ZNF560: variants seen among roughly 807,000 people sequenced by gnomAD.
ZNF560 encodes zinc finger protein 560.
A neutral mutation model predicts 81.8 loss-of-function variants in ZNF560; 54 were observed. That is an observed-to-expected ratio of 0.66 (90% CI 0.53 to 0.83). ZNF560 has a LOEUF of 0.83. Among genes scored for constraint, ZNF560 ranks in the 40% least tolerant of loss-of-function variants. The pLI, the probability that ZNF560 is intolerant of heterozygous loss-of-function variation, is 0.00. For missense variants in ZNF560, 940 were observed against 932.4 expected (o/e 1.01, Z -0.11); for synonymous variants, 321 against 317.9 (o/e 1.01, Z -0.10).
At chr19:9,451,503 CTG>C in the ZNF560 span, among the ~76,000 whole-genome samples, 1 of 152,166 alleles carries the variant, frequency 6.6e-6, no homozygotes, top group African/African-American at 2.4e-5. Context: ...AAACCTAAAA[CTG>C]TAACAATCCT....
At chr19:9,505,018 G>A in the ZNF560 span, among the ~76,000 whole-genome samples, 1 of 152,144 alleles carries the variant, frequency 6.6e-6, no homozygotes, top group Non-Finnish European at 1.5e-5. Context: ...CTGGGAGGTG[G>A]AGGTTGCTGT....
Position 9,469,610 on chromosome 19 carries a change from T to G in ZNF560, c.529+20A>C, listed in dbSNP as rs773214701. The stretch of plus-strand genomic sequence containing the variant: ...CTGAGAACTTCTCATGGACCAGGGT[T>G]GTTCTTCACAAACACTCACCTTGGA... On this transcript the variant is annotated intron_variant, in intron 8 of 9. Transcript: ENST00000301480. 31 of 1,610,666 alleles carry G rather than the reference T, an allele frequency of 1.9e-5. No individual in the cohort carries two copies. The highest frequency in any genetic ancestry group is 2.5e-6 in the Non-Finnish European group (3 of 1,176,938).
At chr19:9,446,450 CACA>C in the ZNF560 span, among the ~76,000 whole-genome samples, 2 of 151,706 alleles carry the variant, frequency 1.3e-5, no homozygotes, top group Admixed American at 1.3e-4. Context: ...TGGTTTCTTT[CACA>C]ACATCATGTT....
the ZNF560 span, among the ~76,000 whole-genome samples, chr19:9,450,416 CTGA>C: frequency 2.0e-5 from 3 of 152,282 alleles, no homozygotes; most frequent in African/African-American, 7.2e-5. Flanking sequence ...TTTGTCTTCA[CTGA>C]TGATATGAGT....
At chr19:9,446,401 C>T in the ZNF560 span, among the ~76,000 whole-genome samples, 1 of 108,060 alleles carries the variant, frequency 9.3e-6, no homozygotes, top group East Asian at 2.5e-4. Context: ...CACACACACA[C>T]ACACACATAA....
chr19:9,482,288 G>A (rs1444707077), intron 2 of ZNF560, among the ~76,000 whole-genome samples: 1 of 152,036 alleles, frequency 6.6e-6, no homozygotes, highest in Non-Finnish European at 1.5e-5. Flanking sequence ...GTGGGGGTAT[G>A]GGGGAGGGAT....
downstream of ZNF560, among the ~76,000 whole-genome samples, chr19:9,462,416 A>G (rs1368577982): frequency 1.3e-5 from 2 of 152,230 alleles, no homozygotes; most frequent in Non-Finnish European, 2.9e-5. Context: ...CAGTTAATCT[A>G]CAAACTACAG....
chr19:9,484,017 T>G (rs893693710), intron 2 of ZNF560, among the ~76,000 whole-genome samples: 17 of 152,170 alleles, frequency 1.1e-4, no homozygotes, highest in Admixed American at 1.1e-3. Context: ...CTCTGAAACA[T>G]GTGCTGTGTC....
upstream of ZNF560, among the ~76,000 whole-genome samples, chr19:9,501,983 G>C (rs2073636894): frequency 6.6e-6 from 1 of 151,468 alleles, no homozygotes; most frequent in Non-Finnish European, 1.5e-5. Flanking sequence ...TGAAAGCCAG[G>C]CTCTACTAAA....
the ZNF560 span, among the ~76,000 whole-genome samples, chr19:9,459,532 A>G: frequency 6.6e-6 from 1 of 152,298 alleles, no homozygotes; most frequent in South Asian, 2.1e-4. Context: ...GCTACGAAGT[A>G]TGGCAGAGTC....
chr19:9,464,582 T>C (rs1323252591), downstream of ZNF560, among the ~76,000 whole-genome samples: 1 of 152,230 alleles, frequency 6.6e-6, no homozygotes, highest in Non-Finnish European at 1.5e-5. Flanking sequence ...TATTTTTACA[T>C]TTTAAAGCTG....
intron 3 of ZNF560, among the ~76,000 whole-genome samples, chr19:9,474,558 T>G (rs2144696287): frequency 6.6e-6 from 1 of 152,326 alleles, no homozygotes; most frequent in African/African-American, 2.4e-5. Flanking sequence ...CATGAACTTC[T>G]CATCACAAGC....
At chr19:9,450,203 A>G in the ZNF560 span, among the ~76,000 whole-genome samples, 1 of 151,506 alleles carries the variant, frequency 6.6e-6, no homozygotes, top group Non-Finnish European at 1.5e-5. Flanking sequence ...AGGCAGGAGA[A>G]TCATTTGAAC....
chr19:9,453,910 G>A, the ZNF560 span, among the ~76,000 whole-genome samples: 1 of 152,170 alleles, frequency 6.6e-6, no homozygotes, highest in Non-Finnish European at 1.5e-5. Flanking sequence ...ATATTGCTTG[G>A]AACAGGCCCC....
intron 2 of ZNF560, among the ~76,000 whole-genome samples, chr19:9,489,848 C>T (rs1483604240): frequency 1.1e-4 from 17 of 152,176 alleles, no homozygotes; most frequent in Admixed American, 1.0e-3. Context: ...CCTCAGCCTC[C>T]CAAAGTGCTG....
At position 9,471,385 on chromosome 19, in the gene ZNF560, C is replaced by G. The variant is rs762386144; in HGVS notation, c.239-7G>C. ...TGATGTTTTATTGCCCAGTCTGAAA[C>G]AAAAACATAAACTGAGGTTTTTTTT... On this transcript the variant is annotated splice_region_variant and splice_polypyrimidine_tract_variant and intron_variant, in intron 5 of 9. Coordinates refer to ENST00000301480, the MANE Select transcript of ZNF560 (RefSeq NM_152476.3). 6.9e-7 allele frequency: 1 copy of G among 1,442,462 alleles called. No homozygotes were observed. Among genetic ancestry groups the G allele is most frequent in the South Asian group, 1.6e-5 (1 of 63,814 alleles). The allele number at this position is 1,442,462 out of a possible 1,614,324, so 89.4% of individuals were successfully genotyped here.
chr19:9,459,513 G>A, the ZNF560 span, among the ~76,000 whole-genome samples: 1 of 152,134 alleles, frequency 6.6e-6, no homozygotes. Flanking sequence ...TGAACACTAG[G>A]CCATGGGGGC....
the ZNF560 span, among the ~76,000 whole-genome samples, chr19:9,450,031 G>T: frequency 6.7e-6 from 1 of 148,660 alleles, no homozygotes; most frequent in African/African-American, 2.5e-5. Context: ...GATGGCTTGT[G>T]CCCGTAATCC....
At chr19:9,462,113 G>T (rs921534146), downstream of ZNF560, among the ~76,000 whole-genome samples, 2 of 152,148 alleles carry the variant, frequency 1.3e-5, no homozygotes, top group Admixed American at 1.3e-4. Flanking sequence ...AAACAAAAAG[G>T]GGGACATGCT....
Sources: allele counts gnomAD v4.1 joint callset (sites outside exome capture counted in the v4.1 genomes callset), GRCh38; gene constraint gnomAD v4.1.1; transcripts MANE v1.5; gene names NCBI Gene and HGNC (gene_info 2026-07-23, HGNC 2026-07-21).